Variants in NALF1 observed in about 807,000 individuals in gnomAD.
The protein encoded by NALF1 is NALCN channel auxiliary factor 1.
In NALF1, 3 loss-of-function variants were observed where a neutral mutation model predicts 48.4. The observed-to-expected ratio is 0.06, with a 90% CI of 0.03 to 0.16. The LOEUF is 0.16. NALF1 is among the 10% of genes least tolerant of loss of function. The probability of loss-of-function intolerance (pLI) is 1.00; values close to 1 mark genes in which losing one functional copy is unlikely to be tolerated. For synonymous variants in NALF1, 262 were observed against 245.7 expected (o/e 1.07, Z -0.62); for missense variants, 526 against 571.5 (o/e 0.92, Z 0.81).
At chr13:107,752,947 G>A (rs1404844965) in intron 1 of NALF1, among the ~76,000 whole-genome samples, 3 of 152,200 alleles carry the variant, frequency 2.0e-5, no homozygotes, top group Non-Finnish European at 4.4e-5. Flanking sequence ...AGTACCATGC[G>A]AAAATTCCAA....
chr13:107,627,449 T>A (rs1369488198), intron 1 of NALF1, among the ~76,000 whole-genome samples: 1 of 152,056 alleles, frequency 6.6e-6, no homozygotes, highest in Non-Finnish European at 1.5e-5. Context: ...CTTCTCAGTG[T>A]TATTTACCAT....
chr13:107,195,296 C>T (rs1879367075), intron 2 of NALF1, among the ~76,000 whole-genome samples: 2 of 152,136 alleles, frequency 1.3e-5, no homozygotes, highest in African/African-American at 4.8e-5. Context: ...AGAAAATTGT[C>T]TTTCCAGGAC....
chr13:107,642,768 T>C (rs1490986003), intron 1 of NALF1, among the ~76,000 whole-genome samples: 1 of 152,192 alleles, frequency 6.6e-6, no homozygotes, highest in Non-Finnish European at 1.5e-5. Flanking sequence ...ACACTTAACA[T>C]AGCTATAGCA....
At chr13:107,455,757 C>A (rs543745416) in intron 1 of NALF1, among the ~76,000 whole-genome samples, 1 of 152,286 alleles carries the variant, frequency 6.6e-6, no homozygotes, top group East Asian at 1.9e-4. Flanking sequence ...ATTTGCCTTT[C>A]CCAGAATATC....
At chr13:107,318,126 A>G (rs1430992882) in intron 1 of NALF1, among the ~76,000 whole-genome samples, 1 of 152,060 alleles carries the variant, frequency 6.6e-6, no homozygotes, top group Non-Finnish European at 1.5e-5. Flanking sequence ...GGAAGCAAAT[A>G]ATCTTTTTTC....
chr13:107,424,152 A>G (rs138606876), intron 1 of NALF1, among the ~76,000 whole-genome samples: 1 of 151,948 alleles, frequency 6.6e-6, no homozygotes, highest in Non-Finnish European at 1.5e-5. Context: ...TTATTTATTT[A>G]TTTGAGACAG....
At chr13:107,621,343 T>C (rs1365867648) in intron 1 of NALF1, among the ~76,000 whole-genome samples, 1 of 152,232 alleles carries the variant, frequency 6.6e-6, no homozygotes, top group Non-Finnish European at 1.5e-5. Context: ...GCACATGCCT[T>C]TTATTAATGA....
At chr13:107,218,011 A>G (rs1346628277) in intron 1 of NALF1, among the ~76,000 whole-genome samples, 1 of 152,086 alleles carries the variant, frequency 6.6e-6, no homozygotes, top group African/African-American at 2.4e-5. Context: ...TAACCGATTC[A>G]CAGCTCTGCG....
intron 1 of NALF1, among the ~76,000 whole-genome samples, chr13:107,401,256 C>A (rs2138991590): frequency 1.3e-5 from 2 of 152,250 alleles, no homozygotes; most frequent in Middle Eastern, 6.8e-3. Flanking sequence ...CACTTAGTAG[C>A]TGTCTCAGCG....
At chr13:107,507,535 T>G (rs1313549451) in intron 1 of NALF1, among the ~76,000 whole-genome samples, 6 of 150,214 alleles carry the variant, frequency 4.0e-5, no homozygotes, top group Non-Finnish European at 7.4e-5. Flanking sequence ...CCTTTTTTTT[T>G]GCTTTTTATT....
chr13:107,593,994 T>C (rs1784898115), intron 1 of NALF1, among the ~76,000 whole-genome samples: 1 of 151,954 alleles, frequency 6.6e-6, no homozygotes. Flanking sequence ...ACATGACAAA[T>C]TTACAGCTAA....
At position 107,478,359 on chromosome 13, in the gene NALF1, C is replaced by T. The variant is rs569559485; in HGVS notation, c.916-267604G>A. Among the ~76,000 whole-genome samples, 24 of 152,048 alleles carry T rather than the reference C, an allele frequency of 1.6e-4. No individual in the cohort carries two copies. In the South Asian group the frequency reaches 1.9e-3, roughly 12 times the overall value. ...CTTATCTTTTTCTCAGAGAATTCAA[C>T]AAAATCTAATCATGTAATTTGGTTA... On this transcript the variant is annotated intron_variant, in intron 1 of 2. Coordinates refer to ENST00000375915, the MANE Select transcript of NALF1 (RefSeq NM_001080396.3).
intron 1 of NALF1, among the ~76,000 whole-genome samples, chr13:107,277,817 A>G (rs1217222010): frequency 1.3e-5 from 2 of 152,232 alleles, no homozygotes; most frequent in Non-Finnish European, 2.9e-5. Context: ...CATCAAATCA[A>G]CATGACTTTA....
chr13:107,534,226 G>C (rs1162672183), intron 1 of NALF1, among the ~76,000 whole-genome samples: 1 of 152,030 alleles, frequency 6.6e-6, no homozygotes, highest in Non-Finnish European at 1.5e-5. Context: ...GATGACTCTG[G>C]AAAGTATGAT....
intron 1 of NALF1, among the ~76,000 whole-genome samples, chr13:107,754,370 C>T (rs1877028306): frequency 6.8e-6 from 1 of 146,436 alleles, no homozygotes; most frequent in African/African-American, 2.7e-5. Context: ...CACACACACA[C>T]ACACACACAC....
intron 1 of NALF1, among the ~76,000 whole-genome samples, chr13:107,689,883 A>G (rs935800804): frequency 1.3e-5 from 2 of 152,220 alleles, no homozygotes; most frequent in African/African-American, 2.4e-5. Flanking sequence ...AAAGACTTTA[A>G]GTTACAAACA....
chr13:107,834,392 G>T (rs180763133), intron 1 of NALF1, among the ~76,000 whole-genome samples: 1 of 152,080 alleles, frequency 6.6e-6, no homozygotes, highest in Non-Finnish European at 1.5e-5. Flanking sequence ...AATTTTTAAC[G>T]TTTTTTATAA....
At chr13:107,587,026 T>A (rs1878480334) in intron 1 of NALF1, among the ~76,000 whole-genome samples, 1 of 152,158 alleles carries the variant, frequency 6.6e-6, no homozygotes, top group Admixed American at 6.5e-5. Context: ...TGCCACTCAG[T>A]TTTGGACCTT....
At chr13:107,469,665 A>AT (rs1188299438) in intron 1 of NALF1, among the ~76,000 whole-genome samples, 2 of 142,192 alleles carry the variant, frequency 1.4e-5, no homozygotes, top group Non-Finnish European at 3.1e-5. Flanking sequence ...ATGTTTTAAT[A>AT]TTTTTTATCT....
Sources: gnomAD v4.1 joint callset for allele counts (sites outside exome capture counted in the v4.1 genomes callset) on GRCh38, gnomAD v4.1.1 for gene constraint, MANE v1.5 for transcripts, NCBI Gene and HGNC (gene_info 2026-07-23, HGNC 2026-07-21) for gene names.